Variants in ERC2 observed in about 807,000 individuals in gnomAD.
The protein encoded by ERC2 is ERC protein 2.
ERC2 carries 42 observed loss-of-function variants against 114.8 expected under a neutral mutation model. That is an observed-to-expected ratio of 0.37 (90% CI 0.29 to 0.47). The LOEUF (loss-of-function observed/expected upper bound fraction) is 0.47. ERC2 is among the 20% of genes least tolerant of loss of function. The pLI is 0.99. For missense variants in ERC2, 939 were observed against 1,150.7 expected, an observed-to-expected ratio of 0.82 and a Z score of 2.66; for synonymous variants, 454 against 425.5, an observed-to-expected ratio of 1.07 and a Z score of -0.82.
chr3:55,714,689 A>ATGTGTG (rs61675415), intron 15 of ERC2, among the ~76,000 whole-genome samples: 14 of 130,216 alleles, frequency 1.1e-4, no homozygotes, highest in African/African-American at 2.7e-4. Context: ...ATATATATAT[A>ATGTGTG]TATATATATA....
chr3:55,732,572 T>C (rs181764606), intron 15 of ERC2, among the ~76,000 whole-genome samples: 21 of 152,286 alleles, frequency 1.4e-4, no homozygotes, highest in African/African-American at 3.8e-4. Context: ...CAATCCTTAC[T>C]GGAATCAAGA....
At position 55,752,195 on chromosome 3, in the gene ERC2, C is replaced by T. The variant is rs371162559; in HGVS notation, c.2565-17277G>A. On this transcript the variant is annotated intron_variant, in intron 14 of 17. Coordinates refer to ENST00000288221, the MANE Select transcript of ERC2 (RefSeq NM_015576.3). Reference sequence around the variant, plus strand: ...ATTTCCCCATCACTAGAAACACACCCTAAATAATGGGATCACACCAAAAGA... The same window carrying T: ...ATTTCCCCATCACTAGAAACACACCTTAAATAATGGGATCACACCAAAAGA... Among the ~76,000 whole-genome samples the T allele has an allele frequency of 8.5e-5, 13 of 152,274 alleles. No homozygotes were observed. The East Asian group carries it at 1.5e-3, about 18-fold the overall frequency.
At chr3:55,882,347 A>T (rs2063153696) in intron 14 of ERC2, among the ~76,000 whole-genome samples, 1 of 152,232 alleles carries the variant, frequency 6.6e-6, no homozygotes, top group Non-Finnish European at 1.5e-5. Flanking sequence ...AGCCTGCAGA[A>T]CCATGAGCCA....
chr3:55,923,586 A>G (rs1453303890), intron 13 of ERC2, among the ~76,000 whole-genome samples: 1 of 152,172 alleles, frequency 6.6e-6, no homozygotes, highest in Non-Finnish European at 1.5e-5. Context: ...CAATTTATTT[A>G]TAAAAGCAAT....
intron 1 of ERC2, among the ~76,000 whole-genome samples, chr3:56,445,437 A>G (rs1433980665): frequency 6.6e-6 from 1 of 152,172 alleles, no homozygotes; most frequent in Non-Finnish European, 1.5e-5. Flanking sequence ...TCTTGAACCA[A>G]TGTGACTCTT....
At chr3:56,137,124 A>G (rs2080555392) in intron 6 of ERC2, among the ~76,000 whole-genome samples, 1 of 152,198 alleles carries the variant, frequency 6.6e-6, no homozygotes, top group Non-Finnish European at 1.5e-5. Flanking sequence ...GACAAGGAAT[A>G]TAGCCTCCAT....
intron 3 of ERC2, among the ~76,000 whole-genome samples, chr3:56,273,646 G>T (rs1189966684): frequency 6.6e-6 from 1 of 151,738 alleles, no homozygotes; most frequent in Non-Finnish European, 1.5e-5. Context: ...TTTCTTTGGG[G>T]GTAATGATTT....
At chr3:56,039,132 T>C (rs2074983138) in intron 7 of ERC2, among the ~76,000 whole-genome samples, 1 of 152,170 alleles carries the variant, frequency 6.6e-6, no homozygotes, top group South Asian at 2.1e-4. Context: ...ACTTAGGTGA[T>C]AGATTGATAG....
intron 12 of ERC2, among the ~76,000 whole-genome samples, chr3:55,958,922 G>A (rs2068164719): frequency 6.6e-6 from 1 of 152,180 alleles, no homozygotes; most frequent in Admixed American, 6.5e-5. Flanking sequence ...GTGCCCAGGA[G>A]CATGGAGCTT....
chr3:56,033,835 A>T (rs2074627119), intron 7 of ERC2, among the ~76,000 whole-genome samples: 1 of 151,944 alleles, frequency 6.6e-6, no homozygotes, highest in Non-Finnish European at 1.5e-5. Context: ...TTGCTCTGCC[A>T]CCCAGGTTGG....
intron 6 of ERC2, among the ~76,000 whole-genome samples, chr3:56,124,413 G>A (rs76364503): frequency 0.03 from 4,604 of 152,230 alleles, 238 homozygotes; most frequent in African/African-American, 0.11. Context: ...ATCTCTAAAG[G>A]ACTGGCACGA....
At chr3:56,113,907 A>G (rs1378826834) in intron 6 of ERC2, among the ~76,000 whole-genome samples, 1 of 152,230 alleles carries the variant, frequency 6.6e-6, no homozygotes, top group Non-Finnish European at 1.5e-5. Flanking sequence ...ATATAGGCTT[A>G]TTACTGTCAA....
intron 2 of ERC2, among the ~76,000 whole-genome samples, chr3:56,308,501 G>C (rs1416765519): frequency 1.3e-5 from 2 of 152,110 alleles, no homozygotes; most frequent in Non-Finnish European, 2.9e-5. Flanking sequence ...ACACAGAAAG[G>C]TAACTAGAAT....
chr3:55,864,633 A>T (rs1349937377), intron 14 of ERC2, among the ~76,000 whole-genome samples: 1 of 152,158 alleles, frequency 6.6e-6, no homozygotes, highest in Non-Finnish European at 1.5e-5. Context: ...CTGGCCAATG[A>T]TAGGTGCTCC....
At chr3:56,201,973 CTCAGAG>C (rs1366122592) in intron 3 of ERC2, among the ~76,000 whole-genome samples, 2 of 152,192 alleles carry the variant, frequency 1.3e-5, no homozygotes, top group Non-Finnish European at 2.9e-5. Flanking sequence ...CTGCCATTAA[CTCAGAG>C]TCAAATTGCA....
chr3:56,080,490 C>T (rs759785896), intron 7 of ERC2, among the ~76,000 whole-genome samples: 2 of 152,162 alleles, frequency 1.3e-5, no homozygotes, highest in Non-Finnish European at 2.9e-5. Context: ...AAATACATTG[C>T]TAACTCTCAG....
At chr3:56,233,678 T>C (rs778068487) in intron 3 of ERC2, among the ~76,000 whole-genome samples, 1 of 151,066 alleles carries the variant, frequency 6.6e-6, no homozygotes, top group South Asian at 2.1e-4. Flanking sequence ...AAGTCCAAAA[T>C]GGGTCTCACT....
intron 17 of ERC2, among the ~76,000 whole-genome samples, chr3:55,517,390 T>C (rs1355600686): frequency 7.5e-6 from 1 of 133,588 alleles, no homozygotes; most frequent in Non-Finnish European, 1.5e-5. Flanking sequence ...GAGGTTGCAG[T>C]GAGCCAAGAT....
chr3:56,262,966 G>T lies in ERC2; in HGVS notation c.1074+33053C>A, dbSNP rs141592357. Among the ~76,000 whole-genome samples, 207 of 152,202 alleles carry T rather than the reference G, an allele frequency of 1.4e-3. 1 individual carries two copies. The highest frequency in any genetic ancestry group is 4.8e-3 in the African/African-American group (198 of 41,524). On this transcript the variant is annotated intron_variant, in intron 3 of 17. Coordinates refer to ENST00000288221, the MANE Select transcript of ERC2 (RefSeq NM_015576.3). ...AAATTATCCTCTTAATACCCACATA[G>T]AAACTGGCCAGAGATGTTTTCAGAA...
Sources: gnomAD v4.1 joint callset for allele counts (sites outside exome capture counted in the v4.1 genomes callset) on GRCh38, gnomAD v4.1.1 for gene constraint, MANE v1.5 for transcripts, NCBI Gene and HGNC (gene_info 2026-07-23, HGNC 2026-07-21) for gene names.